RRAS2: variants seen among roughly 807,000 people sequenced by gnomAD.
The protein encoded by RRAS2 is RAS related 2, also known as ras-related protein R-Ras2.
In RRAS2, 7 loss-of-function variants were observed where a neutral mutation model predicts 27.6. The ratio of observed to expected loss-of-function variants is 0.25; its 90% CI spans 0.14 to 0.48. RRAS2 has a LOEUF of 0.48. Ranked by LOEUF, RRAS2 falls within the 20% of genes least tolerant of loss-of-function variation. RRAS2 has a pLI of 0.99. For missense variants in RRAS2, 178 were observed against 256.2 expected, an observed-to-expected ratio of 0.69 and a Z score of 2.08; for synonymous variants, 86 against 90.9, an observed-to-expected ratio of 0.95 and a Z score of 0.31.
At chr11:14,364,496 G>T in exon 1 of RRAS2, 1 of 979,174 alleles carries the variant, frequency 1.0e-6, no homozygotes, top group African/African-American at 1.6e-5. Context: ...GGAGCTGCAT[G>T]CATCTGAGAT....
intron 1 of RRAS2, among the ~76,000 whole-genome samples, chr11:14,339,295 G>GC (rs1848650803): frequency 4.8e-5 from 1 of 20,986 alleles, no homozygotes; most frequent in Non-Finnish European, 1.0e-4. Flanking sequence ...AAAAAAAAAG[G>GC]GGGGGGGGGG....
At chr11:14,296,678 C>T (rs564557091) in intron 1 of RRAS2, among the ~76,000 whole-genome samples, 1 of 152,208 alleles carries the variant, frequency 6.6e-6, no homozygotes, top group Non-Finnish European at 1.5e-5. Context: ...TTATGTACTA[C>T]AAGAAAATAT....
chr11:14,281,554 T>G, intron 5 of RRAS2, 48 bp downstream of exon 5: 2 of 1,429,976 alleles, frequency 1.4e-6, no homozygotes, highest in Non-Finnish European at 1.9e-6. Flanking sequence ...ACTAAAAACA[T>G]TTAATAGTAA....
chr11:14,290,454 GA>G (rs1262758587), intron 4 of RRAS2, among the ~76,000 whole-genome samples: 64 of 151,720 alleles, frequency 4.2e-4, no homozygotes, highest in African/African-American at 1.4e-3. Context: ...TTTCAGGGGG[GA>G]AAAAAAAGGT....
At chr11:14,328,087 G>A (rs570243791) in intron 1 of RRAS2, among the ~76,000 whole-genome samples, 1 of 152,288 alleles carries the variant, frequency 6.6e-6, no homozygotes, top group East Asian at 1.9e-4. Flanking sequence ...GAGAAAAATG[G>A]CCAGGCGCGG....
rs1267392604 is a variant in RRAS2, at chr11:14,358,679, G to C, written c.108+84C>G. 196 of 1,029,374 alleles carry C rather than the reference G, an allele frequency of 1.9e-4. 1 individual carries two copies. The African/African-American group carries it at 3.2e-3, about 17-fold the overall frequency. 63.8% of individuals were successfully genotyped at this position (1,029,374 alleles called of 1,614,324 possible). ...GGCCCGCGAGGCGCCTCTGGGGCGA[G>C]GTCGCGGCGGCCGCCCCGCCACAGG... is the stretch of plus-strand genomic sequence containing the variant. On this transcript the variant is annotated intron_variant, in intron 1 of 5. Transcript: ENST00000256196. The surrounding 1 kb of genome is among the most constrained non-coding windows in gnomAD (Gnocchi z 5.1).
rs1402178618 is a variant in RRAS2 at position 14,279,255 on chromosome 11, G to T, written c.*82C>A. The stretch of plus-strand genomic sequence containing the variant: ...GTGATCATTTGTCTAAGGCTAGAAA[G>T]GTACCAACAAGATGTAAACTGAGGA... On this transcript the variant is annotated 3_prime_UTR_variant, in exon 6 of 6. Transcript: ENST00000256196. 8.1e-6 allele frequency: 8 copies of T among 984,682 alleles called. No homozygotes were observed. The highest frequency in any genetic ancestry group is 1.3e-5 in the Non-Finnish European group (8 of 609,378). The allele number at this position is 984,682 out of a possible 1,614,324, so 61.0% of individuals were successfully genotyped here.
intron 1 of RRAS2, among the ~76,000 whole-genome samples, chr11:14,301,520 C>A (rs781866620): frequency 2.6e-5 from 4 of 152,106 alleles, no homozygotes; most frequent in Non-Finnish European, 5.9e-5. Context: ...ATTTCTTCCC[C>A]GACCGAACTA....
intron 1 of RRAS2, among the ~76,000 whole-genome samples, chr11:14,320,162 A>G (rs1438712635): frequency 2.6e-5 from 4 of 152,098 alleles, no homozygotes; most frequent in African/African-American, 9.7e-5. Context: ...ACCTCCTGCT[A>G]TTTCCTTTGC....
At chr11:14,352,663 G>GA (rs1564984591) in intron 1 of RRAS2, among the ~76,000 whole-genome samples, 3 of 1,194 alleles carry the variant, frequency 2.5e-3, no homozygotes, top group African/African-American at 0.013. Context: ...TCCCCAACCA[G>GA]AAAAAAAGGC....
chr11:14,363,760 G>T (rs188327166), upstream of RRAS2, among the ~76,000 whole-genome samples: 785 of 146,216 alleles, frequency 5.4e-3, 8 homozygotes, highest in Non-Finnish European at 4.8e-3. Context: ...AACAGAGCAG[G>T]ACTCCGTCTC....
intron 4 of RRAS2, among the ~76,000 whole-genome samples, chr11:14,290,597 G>T (rs1849785544): frequency 6.6e-6 from 1 of 152,158 alleles, no homozygotes; most frequent in Non-Finnish European, 1.5e-5. Flanking sequence ...GAGAGACACG[G>T]AGACAAAGTA....
intron 1 of RRAS2, among the ~76,000 whole-genome samples, chr11:14,352,765 AGAGAGAGAGAGAGAGG>A (rs1282866276): frequency 8.0e-5 from 12 of 150,138 alleles, no homozygotes; most frequent in Admixed American, 3.4e-4. Context: ...ATAGAGAGAG[AGAGAGAGAGAGAGAGG>A]GAGAGAGAGA....
chr11:14,348,908 T>C (rs1016219411), intron 1 of RRAS2, among the ~76,000 whole-genome samples: 14 of 152,196 alleles, frequency 9.2e-5, no homozygotes, highest in African/African-American at 3.4e-4. Context: ...GAAAAAGATG[T>C]ACAGATGTAC....
chr11:14,326,571 T>G (rs977174748), intron 1 of RRAS2, among the ~76,000 whole-genome samples: 4 of 152,106 alleles, frequency 2.6e-5, no homozygotes, highest in Non-Finnish European at 5.9e-5. Flanking sequence ...GTAAAAGAAT[T>G]TTAAGGGGTA....
chr11:14,352,190 AG>A (rs1208463768), intron 1 of RRAS2, among the ~76,000 whole-genome samples: 3 of 152,234 alleles, frequency 2.0e-5, no homozygotes, highest in Non-Finnish European at 4.4e-5. Flanking sequence ...TCATTGTATA[AG>A]GTGACAGTAA....
chr11:14,337,628 G>A (rs1848614285), intron 1 of RRAS2, among the ~76,000 whole-genome samples: 1 of 152,096 alleles, frequency 6.6e-6, no homozygotes, highest in Non-Finnish European at 1.5e-5. Flanking sequence ...ATCTCCTACT[G>A]TGCCTAATTT....
chr11:14,344,594 G>A (rs375393679), intron 1 of RRAS2, among the ~76,000 whole-genome samples: 2 of 152,128 alleles, frequency 1.3e-5, no homozygotes, highest in Non-Finnish European at 2.9e-5. Flanking sequence ...CTTTCAGCTC[G>A]CATCTTTTGA....
chr11:14,332,025 C>A (rs1472138612), intron 1 of RRAS2, among the ~76,000 whole-genome samples: 1 of 152,072 alleles, frequency 6.6e-6, no homozygotes, highest in Non-Finnish European at 1.5e-5. Context: ...GCTAAAATAC[C>A]CAGTATCGGT....
Sources: allele counts gnomAD v4.1 joint callset (sites outside exome capture counted in the v4.1 genomes callset), GRCh38; gene constraint gnomAD v4.1.1; non-coding constraint Gnocchi (gnomAD v3.1); transcripts MANE v1.5; gene names NCBI Gene and HGNC (gene_info 2026-07-23, HGNC 2026-07-21).